The following PDE4D variants were observed in gnomAD, a reference collection of about 807,000 sequenced individuals.
PDE4D encodes phosphodiesterase 4D, also known as 3',5'-cyclic-AMP phosphodiesterase 4D.
Under a neutral mutation model 87.4 loss-of-function variants are expected in PDE4D, and 24 were observed. The ratio of observed to expected loss-of-function variants is 0.27; its 90% confidence interval spans 0.20 to 0.39. The LOEUF (loss-of-function observed/expected upper bound fraction) is 0.39. PDE4D is among the 10% of genes least tolerant of loss of function. The pLI, the probability that PDE4D is intolerant of heterozygous loss-of-function variation, is 1.00. For synonymous variants in PDE4D, 384 were observed against 383.2 expected (o/e 1.00, Z -0.02); for missense variants, 714 against 1,041.0 (o/e 0.69, Z 4.32).
At chr5:59,397,134 G>A (rs1182849560) in intron 1 of PDE4D, among the ~76,000 whole-genome samples, 1 of 122,578 alleles carries the variant, frequency 8.2e-6, no homozygotes, top group Non-Finnish European at 1.7e-5. Flanking sequence ...AATAATGGGA[G>A]ACTTTAACAC....
intron 1 of PDE4D, among the ~76,000 whole-genome samples, chr5:59,763,103 T>C (rs1762369561): frequency 6.6e-6 from 1 of 151,404 alleles, no homozygotes; most frequent in South Asian, 2.1e-4. Context: ...ATCTGTAACA[T>C]TTTATTCTTA....
At position 58,976,437 on chromosome 5, in the gene PDE4D, T is replaced by C. The variant is rs1296844370; in HGVS notation, c.1743A>G (p.Leu581=). 5.7e-6 allele frequency: 9 copies of C among 1,589,914 alleles called. No homozygotes were observed. Among genetic ancestry groups the C allele is most frequent in the South Asian group, 1.1e-5 (1 of 87,418 alleles). The change falls in exon 13 of 15, where the codon CTA becomes CTG. Residue 581 remains leucine (L), a synonymous_variant. Transcript: ENST00000340635. ...CAACCATAGTCTTCAAATCAGCCAG[T>C]AGATTCATGTGTTTTGACATATCTG... ...LATDMSKHMN[L]LADLKTMVET... is the part of the protein sequence containing the mutation.
intron 1 of PDE4D, among the ~76,000 whole-genome samples, chr5:59,335,468 T>A (rs1284662082): frequency 6.6e-6 from 1 of 152,202 alleles, no homozygotes; most frequent in Non-Finnish European, 1.5e-5. Context: ...TCTTTGCCTC[T>A]AAAAATACAT....
intron 5 of PDE4D, chr5:59,125,189 T>C: frequency 1.6e-6 from 1 of 620,842 alleles, no homozygotes; most frequent in South Asian, 7.2e-5. Flanking sequence ...CATGGCTCAT[T>C]AAGCTAGAGT....
At chr5:59,386,592 G>A (rs559992078) in intron 1 of PDE4D, among the ~76,000 whole-genome samples, 2 of 150,382 alleles carry the variant, frequency 1.3e-5, no homozygotes, top group South Asian at 4.3e-4. Flanking sequence ...GAGGTGGGAG[G>A]ATAGCTTGAG....
chr5:59,984,288 C>T (rs534904446), intron 3 of PDE4D, among the ~76,000 whole-genome samples: 9 of 152,074 alleles, frequency 5.9e-5, no homozygotes, highest in Non-Finnish European at 1.2e-4. Flanking sequence ...AACTGACTTT[C>T]CAAATTACTT....
chr5:59,636,260 T>C (rs1344877583), intron 1 of PDE4D, among the ~76,000 whole-genome samples: 1 of 152,190 alleles, frequency 6.6e-6, no homozygotes, highest in Non-Finnish European at 1.5e-5. Context: ...AAACATTCCA[T>C]GCTCATGGAT....
chr5:59,067,031 TAGAG>T (rs796530437), intron 5 of PDE4D, among the ~76,000 whole-genome samples: 10 of 138,822 alleles, frequency 7.2e-5, no homozygotes, highest in Admixed American at 1.5e-4. Flanking sequence ...TTTATTTATT[TAGAG>T]AGAGAGTTTT....
chr5:59,439,077 G>T (rs1456346026), intron 1 of PDE4D, among the ~76,000 whole-genome samples: 2 of 152,094 alleles, frequency 1.3e-5, no homozygotes, highest in African/African-American at 4.8e-5. Flanking sequence ...AATATGTTGG[G>T]GCTGGGTGCA....
chr5:60,037,385 G>A (rs1395194865), intron 2 of PDE4D, among the ~76,000 whole-genome samples: 1 of 151,970 alleles, frequency 6.6e-6, no homozygotes, highest in Non-Finnish European at 1.5e-5. Flanking sequence ...AAAGATTTAA[G>A]GTTCATAAAT....
chr5:59,831,425 A>AT (rs1307072097), intron 1 of PDE4D, among the ~76,000 whole-genome samples: 1 of 151,392 alleles, frequency 6.6e-6, no homozygotes, highest in African/African-American at 2.4e-5. Flanking sequence ...AGAATGGGTT[A>AT]TTTTTAATAA....
chr5:59,320,603 T>C (rs1298414697), intron 1 of PDE4D, among the ~76,000 whole-genome samples: 1 of 152,164 alleles, frequency 6.6e-6, no homozygotes, highest in Non-Finnish European at 1.5e-5. Flanking sequence ...TTAAATGAAC[T>C]ACTATATTGT....
intron 1 of PDE4D, among the ~76,000 whole-genome samples, chr5:59,628,247 G>C (rs1005719421): frequency 6.6e-6 from 1 of 152,172 alleles, no homozygotes; most frequent in Admixed American, 6.6e-5. Context: ...ACTGGGAGCT[G>C]TGTGGTGTCA....
At chr5:59,762,611 T>TACATATGTGTATATGTGTATATGGGTAC (rs1561617488) in intron 1 of PDE4D, among the ~76,000 whole-genome samples, 4 of 140,644 alleles carry the variant, frequency 2.8e-5, no homozygotes, top group East Asian at 2.0e-4. Flanking sequence ...TGTATATAGG[T>TACATATGTGTATATGTGTATATGGGTAC]ACATATGTGT....
chr5:59,417,232 G>A (rs1174160303), intron 1 of PDE4D, among the ~76,000 whole-genome samples: 1 of 152,030 alleles, frequency 6.6e-6, no homozygotes, highest in Non-Finnish European at 1.5e-5. Flanking sequence ...GAATGCTAAA[G>A]TACTATATCT....
chr5:59,515,685 T>C (rs1346701995), intron 1 of PDE4D, among the ~76,000 whole-genome samples: 8 of 152,222 alleles, frequency 5.3e-5, no homozygotes, highest in Non-Finnish European at 1.0e-4. Flanking sequence ...ATTGTTGCCA[T>C]TTTGTAATAG....
chr5:59,890,406 C>T (rs1333357734), intron 1 of PDE4D, among the ~76,000 whole-genome samples: 1 of 152,130 alleles, frequency 6.6e-6, no homozygotes, highest in African/African-American at 2.4e-5. Context: ...TTTACAAAGT[C>T]AACAAATACA....
chr5:59,388,678 A>G (rs1343082960), intron 1 of PDE4D, among the ~76,000 whole-genome samples: 1 of 143,970 alleles, frequency 6.9e-6, no homozygotes, highest in Non-Finnish European at 1.6e-5. Context: ...CCAGCCCTGA[A>G]AAAGAAGGAA....
intron 1 of PDE4D, among the ~76,000 whole-genome samples, chr5:60,468,130 C>CTTTTTTTT (rs370784270): frequency 0.024 from 3,006 of 125,542 alleles, 150 homozygotes; most frequent in African/African-American, 0.082. Flanking sequence ...AACTTTCTTT[C>CTTTTTTTT]TTTTTTCTTT....
Sources: allele counts gnomAD v4.1 joint callset (sites outside exome capture counted in the v4.1 genomes callset), GRCh38; gene constraint gnomAD v4.1.1; transcripts MANE v1.5; gene names NCBI Gene and HGNC (gene_info 2026-07-23, HGNC 2026-07-21).